SLC22A23: variants seen among roughly 807,000 people sequenced by gnomAD.
The protein encoded by SLC22A23 is solute carrier family 22 member 23.
In SLC22A23, 26 loss-of-function variants were observed where a neutral mutation model predicts 61.0. That is an observed-to-expected ratio of 0.43 (90% CI 0.31 to 0.59). The LOEUF is 0.59. Ranked by LOEUF, SLC22A23 falls within the 20% of genes least tolerant of loss-of-function variation. The pLI is 0.11. For synonymous variants in SLC22A23, 430 were observed against 413.9 expected (o/e 1.04, Z -0.47); for missense variants, 796 against 934.7 (o/e 0.85, Z 1.94).
rs755574374 is a variant in SLC22A23, at chr6:3,387,556, G to A, written c.913+22632C>T. 1.5e-4 allele frequency among the ~76,000 whole-genome samples: 23 copies of A among 152,214 alleles called. No homozygotes were observed. The highest frequency in any genetic ancestry group is 1.7e-4 in the African/African-American group (7 of 41,452). ...TGGTGAGATTCAAGGAAAGTCCGTC[G>A]TTTAGTTAGTCCCACGACAACGTCC... On this transcript the variant is annotated intron_variant, in intron 3 of 9. Transcript: ENST00000406686. The surrounding 1 kb of genome is among the most constrained non-coding windows in gnomAD (Gnocchi z 5.0).
At chr6:3,355,725 T>A (rs1765030220) in intron 3 of SLC22A23, among the ~76,000 whole-genome samples, 1 of 151,780 alleles carries the variant, frequency 6.6e-6, no homozygotes, top group Non-Finnish European at 1.5e-5. Flanking sequence ...TTCTGGCTCA[T>A]CTACTATTCT....
At chr6:3,415,485 G>T (rs1429336788) in intron 2 of SLC22A23, among the ~76,000 whole-genome samples, 1 of 152,198 alleles carries the variant, frequency 6.6e-6, no homozygotes, top group Non-Finnish European at 1.5e-5. Context: ...AACGTCAAAG[G>T]TTAGAAGTAG....
rs2127400252 is a variant in SLC22A23 at position 3,324,099 on chromosome 6, A to C, written c.914-97T>G. 3 of 1,440,336 alleles carry C rather than the reference A, an allele frequency of 2.1e-6. No homozygotes were observed. The highest frequency in any genetic ancestry group is 2.8e-6 in the Non-Finnish European group (3 of 1,053,220). The allele number at this position is 1,440,336 out of a possible 1,614,324, so 89.2% of individuals were successfully genotyped here. ...GGCCAGTGCACTGCTTAACCCACCA[A>C]CGACTGAAATTGTTTTCATCTGCTG... is the stretch of plus-strand genomic sequence containing the variant. On this transcript the variant is annotated intron_variant, in intron 3 of 9. Transcript: ENST00000406686. The surrounding 1 kb of genome is among the most constrained non-coding windows in gnomAD (Gnocchi z 4.3).
chr6:3,423,040 T>G (rs2127531787), intron 1 of SLC22A23, among the ~76,000 whole-genome samples: 1 of 152,300 alleles, frequency 6.6e-6, no homozygotes, highest in African/African-American at 2.4e-5. Context: ...AACAATTTTT[T>G]TTTTTGTCTT....
chr6:3,423,034 ATTTTT>A (rs35485498), intron 1 of SLC22A23, among the ~76,000 whole-genome samples: 2 of 146,288 alleles, frequency 1.4e-5, no homozygotes, highest in Non-Finnish European at 3.0e-5. Flanking sequence ...TTAAGCAACA[ATTTTT>A]TTTTTTGTCT....
At chr6:3,384,512 CG>C (rs1767163339) in intron 3 of SLC22A23, among the ~76,000 whole-genome samples, 1 of 152,132 alleles carries the variant, frequency 6.6e-6, no homozygotes. Context: ...AAATAAATCA[CG>C]GAACAGAGCT....
intron 5 of SLC22A23, among the ~76,000 whole-genome samples, chr6:3,292,839 G>A (rs975382325): frequency 6.6e-6 from 1 of 150,856 alleles, no homozygotes; most frequent in Non-Finnish European, 1.5e-5. Context: ...AACTCGGCGC[G>A]GCCTCTGGGA....
chr6:3,343,941 G>C (rs751294773), intron 3 of SLC22A23, among the ~76,000 whole-genome samples: 7 of 152,292 alleles, frequency 4.6e-5, no homozygotes, highest in Non-Finnish European at 1.0e-4. Flanking sequence ...TTTTAGATTC[G>C]ATTCGCTTAT....
intron 9 of SLC22A23, chr6:3,282,368 A>G (rs1398168947): frequency 2.9e-6 from 2 of 697,640 alleles, no homozygotes; most frequent in South Asian, 1.5e-5. Context: ...TAATCATACA[A>G]TGCCTTGGCA....
chr6:3,316,358 G>A lies in SLC22A23; in HGVS notation c.1082+7476C>T, dbSNP rs146675803. 6.6e-4 allele frequency among the ~76,000 whole-genome samples: 101 copies of A among 152,358 alleles called. No individual in the cohort carries two copies. In the East Asian group the frequency reaches 0.016, roughly 25 times the overall value. ...GTTAATATGTTTTCACACGTAAGAA[G>A]CGTGCAGCTGATGTGAAGAAAAGCA... On this transcript the variant is annotated intron_variant, in intron 4 of 9. Transcript: ENST00000406686.
At chr6:3,349,423 C>T (rs780828044) in intron 3 of SLC22A23, among the ~76,000 whole-genome samples, 5 of 152,190 alleles carry the variant, frequency 3.3e-5, no homozygotes, top group Admixed American at 6.5e-5. Flanking sequence ...ATGCCAACCC[C>T]GAGGCAAGCC....
chr6:3,438,635 A>T (rs1194615670), intron 1 of SLC22A23: 3 of 415,778 alleles, frequency 7.2e-6, no homozygotes, highest in Non-Finnish European at 1.4e-5. Flanking sequence ...AGTACCTTTT[A>T]CTTCCAAACA....
intron 1 of SLC22A23, chr6:3,439,416 G>T: frequency 2.5e-6 from 1 of 403,746 alleles, no homozygotes; most frequent in South Asian, 1.8e-5. Flanking sequence ...CCTGGACGAA[G>T]ATGGGCCCGT....
intron 3 of SLC22A23, among the ~76,000 whole-genome samples, chr6:3,400,490 C>T (rs528311830): frequency 9.2e-5 from 14 of 152,370 alleles, no homozygotes; most frequent in Non-Finnish European, 1.8e-4. Context: ...GTGGCCATCA[C>T]GTCACAAACA....
chr6:3,336,967 C>T (rs1170740548), intron 3 of SLC22A23, among the ~76,000 whole-genome samples: 1 of 152,060 alleles, frequency 6.6e-6, no homozygotes, highest in East Asian at 1.9e-4. Flanking sequence ...TGCCACCATG[C>T]CTGGCTGATT....
chr6:3,322,212 A>T lies in SLC22A23; in HGVS notation c.1082+1622T>A, dbSNP rs1298359005. ...TGGGCTGCTGAGATATGAGGGTGGA[A>T]CCATTTACTATTGCAAAGTGCTTGT... is the stretch of plus-strand genomic sequence containing the variant. On this transcript the variant is annotated intron_variant, in intron 4 of 9. Coordinates refer to ENST00000406686, the MANE Select transcript of SLC22A23 (RefSeq NM_015482.2). This position sits in a 1 kb window ranked among gnomAD's most constrained non-coding sequence, Gnocchi z 4.1. 1.3e-5 allele frequency among the ~76,000 whole-genome samples: 2 copies of T among 152,102 alleles called. No individual in the cohort carries two copies. The highest frequency in any genetic ancestry group is 6.5e-5 in the Admixed American group (1 of 15,268).
intron 3 of SLC22A23, among the ~76,000 whole-genome samples, chr6:3,365,733 TCA>T (rs568961289): frequency 8.3e-4 from 126 of 152,272 alleles, no homozygotes; most frequent in Non-Finnish European, 1.5e-3. Flanking sequence ...AACCATATGT[TCA>T]GTCTTTTCTC....
rs561731352 is a variant in SLC22A23, at chr6:3,365,766, A to T, written c.914-41764T>A. ...TTCTCCTAAAAATTTTAAAACATTTAAAAAACAGTCATCATGCCCTTAATG... is the reference window on the plus strand; with the variant it reads ...TTCTCCTAAAAATTTTAAAACATTTTAAAAACAGTCATCATGCCCTTAATG... On this transcript the variant is annotated intron_variant, in intron 3 of 9. Coordinates refer to ENST00000406686, the MANE Select transcript of SLC22A23 (RefSeq NM_015482.2). 1.2e-4 allele frequency among the ~76,000 whole-genome samples: 18 copies of T among 152,276 alleles called. No individual in the cohort carries two copies. The South Asian group carries it at 2.9e-3, about 25-fold the overall frequency.
intron 3 of SLC22A23, among the ~76,000 whole-genome samples, chr6:3,356,136 A>T (rs1267416487): frequency 1.3e-5 from 1 of 74,948 alleles, no homozygotes; most frequent in African/African-American, 5.4e-5. Context: ...GGACTTATTA[A>T]TGAGGCTTGT....
Sources: gnomAD v4.1 joint callset for allele counts (sites outside exome capture counted in the v4.1 genomes callset) on GRCh38, gnomAD v4.1.1 for gene constraint, Gnocchi (gnomAD v3.1) non-coding constraint, MANE v1.5 for transcripts, NCBI Gene and HGNC (gene_info 2026-07-23, HGNC 2026-07-21) for gene names.